The following NCAM2 variants were observed in gnomAD, a reference collection of about 807,000 sequenced individuals.
NCAM2 encodes neural cell adhesion molecule 2.
In NCAM2, 30 loss-of-function variants were observed where a neutral mutation model predicts 98.1. The ratio of observed to expected loss-of-function variants is 0.31; its 90% CI spans 0.23 to 0.41. The LOEUF is 0.41. NCAM2 is among the 10% of genes least tolerant of loss of function. The pLI is 1.00. For missense variants in NCAM2, 867 were observed against 1,005.8 expected (o/e 0.86, Z 1.87); for synonymous variants, 368 against 342.4 (o/e 1.07, Z -0.83).
chr21:21,225,853 T>C (rs1179107619), intron 1 of NCAM2, among the ~76,000 whole-genome samples: 2 of 152,076 alleles, frequency 1.3e-5, no homozygotes, highest in African/African-American at 4.8e-5. Flanking sequence ...TAAATTATTC[T>C]ACCAAAAAGA....
chr21:21,267,572 A>C (rs1400895133), intron 1 of NCAM2, among the ~76,000 whole-genome samples: 3 of 151,870 alleles, frequency 2.0e-5, no homozygotes, highest in African/African-American at 7.2e-5. Context: ...TTCACAGTTC[A>C]TTTGGAAGAA....
rs552558381 is a variant in NCAM2 at position 21,543,104 on chromosome 21, C to A, written c.*5147C>A. Reference sequence around the variant, plus strand: ...TTTTATTTTCTTTAATTTATATATTCCATTCAAATTCTATATTCTTAAGTT... The same window carrying A: ...TTTTATTTTCTTTAATTTATATATTACATTCAAATTCTATATTCTTAAGTT... On this transcript the variant is annotated 3_prime_UTR_variant, in exon 18 of 18. Coordinates refer to ENST00000400546, the MANE Select transcript of NCAM2 (RefSeq NM_004540.5). 4 of 151,698 alleles carry A rather than the reference C, an allele frequency of 2.6e-5. No homozygotes were observed. Among genetic ancestry groups the A allele is most frequent in the African/African-American group, 9.6e-5 (4 of 41,456 alleles). The allele number at this position is 151,698 out of a possible 1,614,324, so 9.4% of individuals were successfully genotyped here. A position where few individuals can be genotyped will look rare whatever the true frequency, so the allele number is the denominator to read the frequency against.
At chr21:21,002,329 G>A (rs572673203) in intron 1 of NCAM2, among the ~76,000 whole-genome samples, 1 of 152,176 alleles carries the variant, frequency 6.6e-6, no homozygotes, top group East Asian at 1.9e-4. Context: ...TCTCCCCGAG[G>A]TACTGTCCTA....
chr21:21,348,593 A>T (rs1206283229), intron 8 of NCAM2, among the ~76,000 whole-genome samples: 1 of 134,964 alleles, frequency 7.4e-6, no homozygotes, highest in Admixed American at 7.2e-5. Flanking sequence ...AATAGAAAAA[A>T]CTTTCTAAAA....
At chr21:21,030,541 G>C (rs7283717) in intron 1 of NCAM2, among the ~76,000 whole-genome samples, 1 of 152,090 alleles carries the variant, frequency 6.6e-6, no homozygotes, top group Non-Finnish European at 1.5e-5. Flanking sequence ...CTCACGATTC[G>C]TATCTTAATC....
chr21:21,451,322 G>A (rs899545433), intron 12 of NCAM2, among the ~76,000 whole-genome samples: 2 of 152,074 alleles, frequency 1.3e-5, no homozygotes, highest in East Asian at 1.9e-4. Flanking sequence ...AACCATCTAA[G>A]CACATTGATC....
intron 9 of NCAM2, among the ~76,000 whole-genome samples, chr21:21,390,046 G>C (rs918409685): frequency 1.3e-5 from 2 of 151,972 alleles, no homozygotes; most frequent in African/African-American, 4.8e-5. Flanking sequence ...GACAGGCTTT[G>C]ACCATGTTGA....
intron 1 of NCAM2, among the ~76,000 whole-genome samples, chr21:21,170,793 A>T (rs1170123923): frequency 6.6e-6 from 1 of 151,928 alleles, no homozygotes; most frequent in Non-Finnish European, 1.5e-5. Context: ...TAGGTTCATC[A>T]ATTGTAACAA....
chr21:21,081,830 T>A (rs565573586), intron 1 of NCAM2, among the ~76,000 whole-genome samples: 3 of 149,658 alleles, frequency 2.0e-5, no homozygotes, highest in Non-Finnish European at 3.0e-5. Flanking sequence ...GAAAAAAAAA[T>A]TATCTCATGC....
intron 11 of NCAM2, among the ~76,000 whole-genome samples, chr21:21,428,377 A>G (rs1310204839): frequency 1.3e-5 from 2 of 152,212 alleles, no homozygotes; most frequent in Non-Finnish European, 2.9e-5. Context: ...CACCCAGTGC[A>G]TTAGATAATC....
intron 16 of NCAM2, among the ~76,000 whole-genome samples, chr21:21,517,018 G>T (rs1988751373): frequency 6.6e-6 from 1 of 152,076 alleles, no homozygotes; most frequent in Admixed American, 6.6e-5. Context: ...TGGGCATCAG[G>T]ATGCCTGTGT....
intron 5 of NCAM2, among the ~76,000 whole-genome samples, chr21:21,310,275 G>T (rs1481425815): frequency 2.0e-5 from 3 of 152,194 alleles, no homozygotes; most frequent in Non-Finnish European, 4.4e-5. Context: ...TATCACAATG[G>T]TTTTTTCAAA....
At chr21:21,456,043 T>C (rs766554492) in intron 12 of NCAM2, among the ~76,000 whole-genome samples, 2 of 152,132 alleles carry the variant, frequency 1.3e-5, no homozygotes, top group Non-Finnish European at 2.9e-5. Flanking sequence ...TTGCAATTGG[T>C]GCGTTGATCT....
At chr21:21,441,757 C>A (rs968685066) in intron 12 of NCAM2, among the ~76,000 whole-genome samples, 1 of 140,846 alleles carries the variant, frequency 7.1e-6, no homozygotes, top group Admixed American at 6.8e-5. Context: ...GCCTCCCAGG[C>A]AGAGTTAAGC....
chr21:21,052,226 A>C (rs1241019892), intron 1 of NCAM2, among the ~76,000 whole-genome samples: 1 of 144,030 alleles, frequency 6.9e-6, no homozygotes, highest in African/African-American at 2.6e-5. Flanking sequence ...GGCACTGGCA[A>C]CATCTCGGCC....
chr21:21,227,093 A>G (rs1315721323), intron 1 of NCAM2, among the ~76,000 whole-genome samples: 1 of 152,006 alleles, frequency 6.6e-6, no homozygotes, highest in Non-Finnish European at 1.5e-5. Context: ...AAGGCATAAG[A>G]CAATGTTACT....
At chr21:21,416,216 G>C (rs2076991062) in intron 10 of NCAM2, among the ~76,000 whole-genome samples, 1 of 152,146 alleles carries the variant, frequency 6.6e-6, no homozygotes, top group Non-Finnish European at 1.5e-5. Flanking sequence ...GAGGGAGAGA[G>C]ATGAGGGTAC....
At chr21:21,225,870 C>A (rs2147156623) in intron 1 of NCAM2, among the ~76,000 whole-genome samples, 1 of 152,046 alleles carries the variant, frequency 6.6e-6, no homozygotes, top group Middle Eastern at 3.4e-3. Context: ...AAGAAACCTG[C>A]ATTTATATGT....
At chr21:21,473,114 G>A (rs1352354886) in intron 14 of NCAM2, among the ~76,000 whole-genome samples, 1 of 151,254 alleles carries the variant, frequency 6.6e-6, no homozygotes, top group African/African-American at 2.4e-5. Context: ...TAACAATGAT[G>A]AGTACCTGTT....
Sources: allele counts gnomAD v4.1 joint callset (sites outside exome capture counted in the v4.1 genomes callset), GRCh38; gene constraint gnomAD v4.1.1; transcripts MANE v1.5; gene names NCBI Gene and HGNC (gene_info 2026-07-23, HGNC 2026-07-21).